The following PRKG1 variants were observed in gnomAD, a reference collection of about 807,000 sequenced individuals.
The protein encoded by PRKG1 is protein kinase cGMP-dependent 1.
A neutral mutation model predicts 88.1 loss-of-function variants in PRKG1; 35 were observed. The observed-to-expected ratio is 0.40, with a 90% CI of 0.30 to 0.53. The LOEUF is 0.53. PRKG1 is among the 20% of genes least tolerant of loss of function. The pLI, the probability that PRKG1 is intolerant of heterozygous loss-of-function variation, is 0.59. For missense variants in PRKG1, 540 were observed against 839.8 expected, an observed-to-expected ratio of 0.64 and a Z score of 4.41; for synonymous variants, 303 against 292.5, an observed-to-expected ratio of 1.04 and a Z score of -0.37.
At chr10:51,628,885 G>A (rs1839445558) in intron 3 of PRKG1, among the ~76,000 whole-genome samples, 3 of 151,506 alleles carry the variant, frequency 2.0e-5, no homozygotes, top group Admixed American at 2.0e-4. Flanking sequence ...CGTGAACCCG[G>A]GAAGCGGAGC....
intron 1 of PRKG1, among the ~76,000 whole-genome samples, chr10:51,013,354 G>A (rs777612034): frequency 7.2e-5 from 11 of 152,112 alleles, no homozygotes; most frequent in Admixed American, 5.2e-4. Flanking sequence ...TAAAAAGAAG[G>A]CAAAGCCATT....
chr10:51,447,538 A>G (rs1372710172), intron 2 of PRKG1, among the ~76,000 whole-genome samples: 1 of 151,580 alleles, frequency 6.6e-6, no homozygotes, highest in Non-Finnish European at 1.5e-5. Flanking sequence ...TTAACTTAAA[A>G]CCTCCCACTG....
At chr10:51,656,638 C>G (rs1441405714) in intron 3 of PRKG1, among the ~76,000 whole-genome samples, 1 of 152,128 alleles carries the variant, frequency 6.6e-6, no homozygotes, top group African/African-American at 2.4e-5. Context: ...TGCCTACTCT[C>G]TCTTTAATTC....
chr10:51,552,073 A>G (rs1267562780), intron 3 of PRKG1, among the ~76,000 whole-genome samples: 1 of 151,688 alleles, frequency 6.6e-6, no homozygotes, highest in African/African-American at 2.4e-5. Context: ...ATATCTTGAT[A>G]GCTATATACC....
chr10:51,503,646 A>C (rs559032926), intron 3 of PRKG1, among the ~76,000 whole-genome samples: 1 of 152,290 alleles, frequency 6.6e-6, no homozygotes, highest in East Asian at 1.9e-4. Context: ...ATACATATGC[A>C]CCTGGCTTAT....
intron 4 of PRKG1, among the ~76,000 whole-genome samples, chr10:51,826,479 TA>T (rs1839884750): frequency 6.6e-6 from 1 of 152,206 alleles, no homozygotes; most frequent in Non-Finnish European, 1.5e-5. Flanking sequence ...AAGTTGATAA[TA>T]AAAACTCTCA....
intron 9 of PRKG1, among the ~76,000 whole-genome samples, chr10:52,215,002 G>A (rs1276650179): frequency 6.9e-6 from 1 of 145,732 alleles, no homozygotes; most frequent in Non-Finnish European, 1.5e-5. Flanking sequence ...TAATTCACAT[G>A]ATTTTTTATG....
At chr10:51,383,536 A>C (rs1837169723) in intron 2 of PRKG1, among the ~76,000 whole-genome samples, 1 of 152,182 alleles carries the variant, frequency 6.6e-6, no homozygotes, top group African/African-American at 2.4e-5. Flanking sequence ...ACGGAGTTTA[A>C]GTACCTTGCC....
intron 3 of PRKG1, among the ~76,000 whole-genome samples, chr10:51,491,807 G>A (rs1339768996): frequency 6.6e-6 from 1 of 152,078 alleles, no homozygotes; most frequent in Non-Finnish European, 1.5e-5. Flanking sequence ...CACATAGAAT[G>A]GACAGTGGCT....
chr10:51,180,021 A>G (rs1319337057), intron 2 of PRKG1, among the ~76,000 whole-genome samples: 1 of 152,196 alleles, frequency 6.6e-6, no homozygotes, highest in Non-Finnish European at 1.5e-5. Flanking sequence ...GAACTCTGTG[A>G]GCTGTCCACA....
intron 1 of PRKG1, among the ~76,000 whole-genome samples, chr10:51,112,122 C>T (rs1844993884): frequency 6.6e-6 from 1 of 152,128 alleles, no homozygotes; most frequent in South Asian, 2.1e-4. Context: ...AGTAACTGGT[C>T]TTGTCTTATT....
intron 3 of PRKG1, among the ~76,000 whole-genome samples, chr10:51,622,025 G>A (rs189178774): frequency 6.6e-6 from 1 of 152,274 alleles, no homozygotes; most frequent in East Asian, 1.9e-4. Context: ...CCCTGTATTG[G>A]TTGGATTTGC....
At chr10:51,946,893 G>A (rs376042278) in intron 5 of PRKG1, among the ~76,000 whole-genome samples, 2 of 152,148 alleles carry the variant, frequency 1.3e-5, no homozygotes, top group South Asian at 2.1e-4. Context: ...TCCCAGTTAG[G>A]CTGCTCAGGG....
chr10:51,136,669 T>C (rs1260015979), intron 1 of PRKG1, among the ~76,000 whole-genome samples: 1 of 151,938 alleles, frequency 6.6e-6, no homozygotes, highest in African/African-American at 2.4e-5. Flanking sequence ...AATTATGTCA[T>C]ATAAGCAAAG....
chr10:51,309,483 A>G (rs3895841), intron 2 of PRKG1, among the ~76,000 whole-genome samples: 54,144 of 152,060 alleles, frequency 0.36, 9,713 homozygotes, highest in Middle Eastern at 0.42. Context: ...GTCAGCAAGC[A>G]TATGAAAAAT....
rs116218697 is a variant in PRKG1, at chr10:51,621,922, G to A, written c.592+154086G>A. Among the ~76,000 whole-genome samples, 953 of 152,064 alleles carry A rather than the reference G, an allele frequency of 6.3e-3. 9 individuals carry two copies. Among genetic ancestry groups the A allele is most frequent in the African/African-American group, 0.02 (847 of 41,476 alleles). On this transcript the variant is annotated intron_variant, in intron 3 of 17. Transcript: ENST00000373980. ...TAGGTTAAACTTGGACTCTTGATTC[G>A]GTTCCTTACTTAGGAACCAAAATCA...
intron 9 of PRKG1, among the ~76,000 whole-genome samples, chr10:52,163,970 C>T (rs545363489): frequency 1.3e-5 from 2 of 152,266 alleles, no homozygotes; most frequent in East Asian, 3.9e-4. Flanking sequence ...ATATTAACGC[C>T]TAACTCTCAA....
chr10:52,140,886 G>A (rs1431681493), intron 8 of PRKG1, among the ~76,000 whole-genome samples: 2 of 152,024 alleles, frequency 1.3e-5, no homozygotes, highest in African/African-American at 4.8e-5. Context: ...CACATGATAG[G>A]ACTGTATGAA....
At chr10:52,125,586 C>T (rs1847912902) in intron 7 of PRKG1, 4 of 152,108 alleles carry the variant, frequency 2.6e-5, no homozygotes, top group Admixed American at 1.3e-4. Flanking sequence ...AATTGGAACA[C>T]GTTTCTGTTT....
Sources: allele counts gnomAD v4.1 joint callset (sites outside exome capture counted in the v4.1 genomes callset), GRCh38; gene constraint gnomAD v4.1.1; transcripts MANE v1.5; gene names NCBI Gene and HGNC (gene_info 2026-07-23, HGNC 2026-07-21).